Variants in LRP1B observed in about 807,000 individuals in gnomAD.
The protein encoded by LRP1B is low-density lipoprotein receptor-related protein 1B.
LRP1B carries 217 observed loss-of-function variants against 556.6 expected under a neutral mutation model. The observed-to-expected ratio is 0.39, with a 90% CI of 0.35 to 0.44. LRP1B has a LOEUF of 0.44. Ranked by LOEUF, LRP1B falls within the 20% of genes least tolerant of loss-of-function variation. The pLI, the probability that LRP1B is intolerant of heterozygous loss-of-function variation, is 1.00. For missense variants in LRP1B, 5,053 were observed against 5,620.8 expected (o/e 0.90, Z 3.23); for synonymous variants, 2,047 against 1,865.8 (o/e 1.10, Z -2.50).
At chr2:141,847,556 T>C (rs1697695547) in intron 1 of LRP1B, among the ~76,000 whole-genome samples, 1 of 151,576 alleles carries the variant, frequency 6.6e-6, no homozygotes, top group Non-Finnish European at 1.5e-5. Flanking sequence ...CAAGTCATTG[T>C]ATAATATTTA....
intron 1 of LRP1B, among the ~76,000 whole-genome samples, chr2:141,985,694 A>G (rs535772142): frequency 6.6e-6 from 1 of 151,976 alleles, no homozygotes; most frequent in South Asian, 2.1e-4. Context: ...TGATGTATTT[A>G]CCTGTGTAAC....
chr2:141,339,298 C>T (rs550399916), intron 3 of LRP1B, among the ~76,000 whole-genome samples: 1,773 of 56,518 alleles, frequency 0.031, 23 homozygotes, highest in Middle Eastern at 0.077. Context: ...CTTGGGGTAA[C>T]GCAAAAAAAA....
chr2:140,476,780 C>T (rs1687992898), intron 59 of LRP1B, among the ~76,000 whole-genome samples: 1 of 151,870 alleles, frequency 6.6e-6, no homozygotes, highest in South Asian at 2.1e-4. Context: ...ATGTTATAAA[C>T]AGAGATTCAA....
intron 11 of LRP1B, among the ~76,000 whole-genome samples, 189 bp from the exon 12 acceptor site, chr2:141,020,291 G>A (rs746233764): frequency 6.6e-6 from 1 of 151,930 alleles, no homozygotes. Flanking sequence ...TATTTTGAAT[G>A]CCTTTTTATG....
At chr2:142,037,946 T>C (rs1179066119) in intron 1 of LRP1B, among the ~76,000 whole-genome samples, 1 of 151,548 alleles carries the variant, frequency 6.6e-6, no homozygotes, top group African/African-American at 2.4e-5. Flanking sequence ...TTGTTCCAAA[T>C]CAGTGATAGA....
chr2:140,934,625 A>C (rs1438257117), intron 20 of LRP1B, among the ~76,000 whole-genome samples: 1 of 152,154 alleles, frequency 6.6e-6, no homozygotes, highest in Admixed American at 6.6e-5. Flanking sequence ...TTCCTGGAGC[A>C]GCTTGCACAC....
At chr2:141,733,091 A>T (rs1263407631) in intron 2 of LRP1B, among the ~76,000 whole-genome samples, 1 of 152,126 alleles carries the variant, frequency 6.6e-6, no homozygotes, top group East Asian at 1.9e-4. Context: ...ACCTTTGGCA[A>T]GACCAACCCT....
At chr2:140,404,424 G>A (rs1220841678) in intron 66 of LRP1B, among the ~76,000 whole-genome samples, 2 of 151,682 alleles carry the variant, frequency 1.3e-5, no homozygotes, top group African/African-American at 2.4e-5. Context: ...CGCCCACTTC[G>A]GCCTCCCAAT....
At chr2:141,301,378 T>G (rs1686391425) in intron 3 of LRP1B, among the ~76,000 whole-genome samples, 1 of 152,186 alleles carries the variant, frequency 6.6e-6, no homozygotes, top group Admixed American at 6.5e-5. Context: ...AGGGCTATAC[T>G]CAGAGTGCTG....
At chr2:140,586,451 C>A (rs1389300914) in intron 43 of LRP1B, among the ~76,000 whole-genome samples, 2 of 152,112 alleles carry the variant, frequency 1.3e-5, no homozygotes, top group Non-Finnish European at 2.9e-5. Flanking sequence ...TGTGACACAC[C>A]CACACCAGCA....
chr2:140,613,317 A>T (rs1233624221), intron 41 of LRP1B, among the ~76,000 whole-genome samples: 1 of 139,112 alleles, frequency 7.2e-6, no homozygotes, highest in East Asian at 2.1e-4. Flanking sequence ...ATATATAATT[A>T]TATAAATATA....
intron 3 of LRP1B, among the ~76,000 whole-genome samples, chr2:141,384,932 T>G (rs1274503093): frequency 1.3e-5 from 2 of 152,110 alleles, no homozygotes; most frequent in African/African-American, 4.8e-5. Flanking sequence ...TGTAAACCAA[T>G]AAATTGGGTG....
At chr2:140,592,219 T>C (rs1682256425) in intron 43 of LRP1B, among the ~76,000 whole-genome samples, 1 of 152,138 alleles carries the variant, frequency 6.6e-6, no homozygotes, top group Admixed American at 6.5e-5. Context: ...ATAAGGATAT[T>C]AAGTTTTTAA....
At chr2:140,686,366 G>T (rs1243244322) in intron 41 of LRP1B, among the ~76,000 whole-genome samples, 2 of 152,090 alleles carry the variant, frequency 1.3e-5, no homozygotes, top group Non-Finnish European at 2.9e-5. Context: ...AAAGCAAATA[G>T]AAGGCTAGCA....
intron 11 of LRP1B, among the ~76,000 whole-genome samples, chr2:141,039,313 T>C (rs973226553): frequency 1.3e-5 from 2 of 151,974 alleles, no homozygotes; most frequent in Non-Finnish European, 2.9e-5. Flanking sequence ...CATGTTGTTA[T>C]AATTGTTCTA....
rs2105197926 is a variant in LRP1B, at chr2:140,601,436, A to G, written c.6989+14T>C. 6.4e-7 allele frequency: 1 copy of G among 1,574,684 alleles called. No individual in the cohort carries two copies. Among genetic ancestry groups the G allele is most frequent in the Non-Finnish European group, 8.7e-7 (1 of 1,153,552 alleles). ...ATAACTATAATGAAGAAATAAAACT[A>G]CACTGTTTCTTACTTTTGACATTCA... On this transcript the variant is annotated intron_variant, in intron 42 of 90. Transcript: ENST00000389484.
chr2:141,527,974 G>A (rs1471189602), intron 2 of LRP1B, among the ~76,000 whole-genome samples: 2 of 151,884 alleles, frequency 1.3e-5, no homozygotes, highest in Non-Finnish European at 2.9e-5. Flanking sequence ...TAAACTCAGA[G>A]GCTCAGATGA....
At chr2:141,415,818 A>G (rs1691079665) in intron 3 of LRP1B, among the ~76,000 whole-genome samples, 1 of 152,184 alleles carries the variant, frequency 6.6e-6, no homozygotes, top group Non-Finnish European at 1.5e-5. Context: ...TGTGATTGCA[A>G]AGAATGAGGA....
Position 141,238,453 on chromosome 2 carries a change from T to C in LRP1B, c.592+8773A>G, listed in dbSNP as rs1460616178. Among the ~76,000 whole-genome samples the C allele has an allele frequency of 4.6e-5, 7 of 152,142 alleles. No individual in the cohort carries two copies. In the South Asian group the frequency reaches 6.2e-4, roughly 13 times the overall value. On this transcript the variant is annotated intron_variant, in intron 5 of 90. Coordinates refer to ENST00000389484, the MANE Select transcript of LRP1B (RefSeq NM_018557.3). ...TTTAATATGGCTCCTAAAAGGGAAA[T>C]ACTGCCTCAGTATTTGAATATTTAT...
Sources: gnomAD v4.1 joint callset for allele counts (sites outside exome capture counted in the v4.1 genomes callset) on GRCh38, gnomAD v4.1.1 for gene constraint, MANE v1.5 for transcripts, NCBI Gene and HGNC (gene_info 2026-07-23, HGNC 2026-07-21) for gene names.